Variants in CADPS2 observed in about 807,000 individuals in gnomAD.
CADPS2 encodes calcium dependent secretion activator 2.
CADPS2 carries 93 observed loss-of-function variants against 172.5 expected under a neutral mutation model. That is an observed-to-expected ratio of 0.54 (90% CI 0.46 to 0.64). The LOEUF (loss-of-function observed/expected upper bound fraction) is 0.64, where lower values mean the gene tolerates loss of function less well. Among genes scored for constraint, CADPS2 ranks in the 30% least tolerant of loss-of-function variants. The pLI, the probability that CADPS2 is intolerant of heterozygous loss-of-function variation, is 0.00. For synonymous variants in CADPS2, 546 were observed against 555.2 expected, an observed-to-expected ratio of 0.98 and a Z score of 0.23; for missense variants, 1,420 against 1,565.9, an observed-to-expected ratio of 0.91 and a Z score of 1.57.
chr7:122,866,635 A>C (rs1818391921), intron 1 of CADPS2, among the ~76,000 whole-genome samples: 1 of 152,222 alleles, frequency 6.6e-6, no homozygotes, highest in Non-Finnish European at 1.5e-5. Context: ...CGGCAGGTAG[A>C]GGTTGCAGTG....
intron 24 of CADPS2, chr7:122,386,398 G>C: frequency 1.3e-6 from 1 of 762,026 alleles, no homozygotes; most frequent in Non-Finnish European, 2.0e-6. Flanking sequence ...ATTACAATGG[G>C]AAAAAAAGGC....
intron 1 of CADPS2, among the ~76,000 whole-genome samples, chr7:122,831,373 A>G (rs756699799): frequency 4.6e-5 from 7 of 152,254 alleles, no homozygotes; most frequent in Admixed American, 6.5e-5. Context: ...TGTACCATAA[A>G]AAAGAAAAAC....
At chr7:122,805,151 A>C (rs2140046544) in intron 1 of CADPS2, among the ~76,000 whole-genome samples, 1 of 144,456 alleles carries the variant, frequency 6.9e-6, no homozygotes. Context: ...AAGCATTTTC[A>C]ATCATTATTA....
At position 122,645,393 on chromosome 7, in the gene CADPS2, G is replaced by A. The variant is rs115746709; in HGVS notation, c.787-16065C>T. 8.4e-3 allele frequency among the ~76,000 whole-genome samples: 456 copies of A among 54,424 alleles called. 14 individuals are homozygous for A. Among genetic ancestry groups the A allele is most frequent in the Admixed American group, 0.014 (77 of 5,318 alleles). 35.7% of individuals were successfully genotyped at this position (54,424 alleles called of 152,430 possible). Reference sequence around the variant, plus strand: ...TATACACACATATGTACATGTGTGTGTATATATGTACATATACACACATGT... The same window carrying A: ...TATACACACATATGTACATGTGTGTATATATATGTACATATACACACATGT... On this transcript the variant is annotated intron_variant, in intron 3 of 29. Coordinates refer to ENST00000449022, the MANE Select transcript of CADPS2 (RefSeq NM_017954.11).
chr7:122,363,796 T>C (rs1372893029), intron 25 of CADPS2, among the ~76,000 whole-genome samples: 1 of 152,156 alleles, frequency 6.6e-6, no homozygotes, highest in Non-Finnish European at 1.5e-5. Flanking sequence ...TATCTGTGTC[T>C]AAAAACCTGA....
At chr7:122,490,014 T>C in intron 11 of CADPS2, 67 bp downstream of exon 11, 1 of 1,341,722 alleles carries the variant, frequency 7.5e-7, no homozygotes. Flanking sequence ...CTGAATACAT[T>C]TGCCTCAATT....
chr7:122,390,855 A>C (rs1335256708), intron 22 of CADPS2, among the ~76,000 whole-genome samples: 1 of 152,030 alleles, frequency 6.6e-6, no homozygotes, highest in African/African-American at 2.4e-5. Flanking sequence ...AAAGAATTCG[A>C]ATGTGAGTAG....
At chr7:122,508,685 G>A (rs920381766) in intron 9 of CADPS2, among the ~76,000 whole-genome samples, 2 of 151,490 alleles carry the variant, frequency 1.3e-5, no homozygotes, top group African/African-American at 2.4e-5. Flanking sequence ...ATTTTTAAAG[G>A]GGAAACAAAG....
chr7:122,835,648 A>C (rs946189270), intron 1 of CADPS2, among the ~76,000 whole-genome samples: 4 of 152,246 alleles, frequency 2.6e-5, no homozygotes, highest in African/African-American at 9.6e-5. Flanking sequence ...TACAAGCTTC[A>C]GTAGCCGATT....
chr7:122,857,312 G>T (rs930329383), intron 1 of CADPS2, among the ~76,000 whole-genome samples: 1 of 151,950 alleles, frequency 6.6e-6, no homozygotes, highest in Non-Finnish European at 1.5e-5. Flanking sequence ...TACTATAGGC[G>T]TATATTATTT....
chr7:122,422,212 G>A (rs928788160), intron 17 of CADPS2, among the ~76,000 whole-genome samples: 1 of 152,158 alleles, frequency 6.6e-6, no homozygotes, highest in Non-Finnish European at 1.5e-5. Context: ...GCAGGGATAT[G>A]AGCACAAGGA....
intron 17 of CADPS2, among the ~76,000 whole-genome samples, chr7:122,433,406 G>T (rs1328529544): frequency 3.3e-4 from 46 of 140,306 alleles, no homozygotes; most frequent in South Asian, 6.8e-4. Context: ...TGTTTTTTTG[G>T]TTTTTTTTTT....
intron 1 of CADPS2, among the ~76,000 whole-genome samples, chr7:122,776,249 CT>C (rs2093878809): frequency 6.6e-6 from 1 of 152,226 alleles, no homozygotes; most frequent in Non-Finnish European, 1.5e-5. Context: ...GATCTGATGG[CT>C]TTATAAAGGG....
chr7:122,723,846 C>T (rs2090771178), intron 2 of CADPS2, among the ~76,000 whole-genome samples: 1 of 151,976 alleles, frequency 6.6e-6, no homozygotes, highest in Admixed American at 6.6e-5. Context: ...GACTATGCAG[C>T]CATAAAAAAT....
chr7:122,562,278 G>A (rs1199598824), intron 7 of CADPS2, among the ~76,000 whole-genome samples: 2 of 152,150 alleles, frequency 1.3e-5, no homozygotes, highest in Non-Finnish European at 2.9e-5. Context: ...ACCTATCCAG[G>A]TGGGCCCAAT....
At chr7:122,611,092 C>T (rs76309844) in intron 6 of CADPS2, among the ~76,000 whole-genome samples, 28,294 of 152,028 alleles carry the variant, frequency 0.19, 3,494 homozygotes, top group Non-Finnish European at 0.28. Context: ...TTTATAGCTG[C>T]AATTGCCTAT....
chr7:122,437,930 G>A (rs1444452308), intron 17 of CADPS2, among the ~76,000 whole-genome samples: 1 of 151,886 alleles, frequency 6.6e-6, no homozygotes. Flanking sequence ...TAATCAACAA[G>A]TTTCTTTTTT....
chr7:122,581,362 A>G, intron 6 of CADPS2, 72 bp from the exon 7 acceptor site: 1 of 1,161,666 alleles, frequency 8.6e-7, no homozygotes, highest in Non-Finnish European at 1.3e-6. Flanking sequence ...GTGTCTCCAT[A>G]GAAGGCAAAT....
chr7:122,575,885 T>C (rs1487043705), intron 7 of CADPS2, among the ~76,000 whole-genome samples: 1 of 152,212 alleles, frequency 6.6e-6, no homozygotes, highest in African/African-American at 2.4e-5. Context: ...AAAGATAGTA[T>C]AGAGACTTTC....
Sources: gnomAD v4.1 joint callset for allele counts (sites outside exome capture counted in the v4.1 genomes callset) on GRCh38, gnomAD v4.1.1 for gene constraint, MANE v1.5 for transcripts, NCBI Gene and HGNC (gene_info 2026-07-23, HGNC 2026-07-21) for gene names.